Variants in PPARGC1A observed in about 807,000 individuals in gnomAD.
PPARGC1A encodes peroxisome proliferator-activated receptor gamma coactivator 1-alpha.
A neutral mutation model predicts 88.7 loss-of-function variants in PPARGC1A; 25 were observed. The observed-to-expected ratio is 0.28, with a 90% confidence interval of 0.21 to 0.39. The LOEUF is 0.39. Among genes scored for constraint, PPARGC1A ranks in the 10% least tolerant of loss-of-function variants. The pLI, the probability that PPARGC1A is intolerant of heterozygous loss-of-function variation, is 1.00. For missense variants in PPARGC1A, 880 were observed against 968.7 expected, an observed-to-expected ratio of 0.91 and a Z score of 1.22; for synonymous variants, 363 against 355.6, an observed-to-expected ratio of 1.02 and a Z score of -0.24.
chr4:24,273,194 C>T, the PPARGC1A span, among the ~76,000 whole-genome samples: 1 of 152,196 alleles, frequency 6.6e-6, no homozygotes, highest in African/African-American at 2.4e-5. Flanking sequence ...AGTGGGAGAG[C>T]TTGGGGAGCT....
chr4:23,999,322 C>T, the PPARGC1A span, among the ~76,000 whole-genome samples: 4 of 152,328 alleles, frequency 2.6e-5, no homozygotes, highest in Non-Finnish European at 4.4e-5. Flanking sequence ...GATTAATTAA[C>T]TGAAGTAGTG....
chr4:24,083,321 C>T, the PPARGC1A span, among the ~76,000 whole-genome samples: 114 of 152,246 alleles, frequency 7.5e-4, no homozygotes, highest in Admixed American at 2.7e-3. Flanking sequence ...ATAGATTAGG[C>T]GAAGGATAAG....
rs766081466 is a variant in PPARGC1A at position 23,814,081 on chromosome 4, G to A, written c.1402C>T (p.His468Tyr). The change falls in exon 8 of 13, where the codon CAT becomes TAT. Residue 468 changes from histidine (H) to tyrosine (Y), a missense_variant. Physicochemically the swap from His to Tyr is moderately conservative, Grantham distance 83. Coordinates refer to ENST00000264867, the MANE Select transcript of PPARGC1A (RefSeq NM_013261.5). ...TCGTCAAAAACAGCTTGACTGGGATGACCGAAGTGCTTGTTCAGCTCGGCT... is the reference window on the plus strand; with the variant it reads ...TCGTCAAAAACAGCTTGACTGGGATAACCGAAGTGCTTGTTCAGCTCGGCT... Reference protein sequence around the residue: ...IRAELNKHFGHPSQAVFDDEA... With the variant: ...IRAELNKHFGYPSQAVFDDEA... The A allele has an allele frequency of 3.1e-5, 50 of 1,613,960 alleles. 1 individual carries two copies. The South Asian group carries it at 5.3e-4, about 17-fold the overall frequency.
At chr4:23,986,777 G>A in the PPARGC1A span, among the ~76,000 whole-genome samples, 2 of 151,988 alleles carry the variant, frequency 1.3e-5, no homozygotes, top group African/African-American at 4.8e-5. Context: ...CTAATATACT[G>A]TCTTGCCTCT....
At chr4:24,399,950 TAA>T in the PPARGC1A span, among the ~76,000 whole-genome samples, 3 of 151,974 alleles carry the variant, frequency 2.0e-5, no homozygotes, top group Admixed American at 6.6e-5. Context: ...CACACCTGGC[TAA>T]TTTTTGTAAT....
the PPARGC1A span, among the ~76,000 whole-genome samples, chr4:24,017,293 C>A: frequency 6.6e-6 from 1 of 152,028 alleles, no homozygotes; most frequent in Non-Finnish European, 1.5e-5. Context: ...AACAGTAGAA[C>A]AGAAAATATG....
chr4:23,863,555 A>C (rs144732701), intron 2 of PPARGC1A, among the ~76,000 whole-genome samples: 1,634 of 152,190 alleles, frequency 0.011, 11 homozygotes, highest in Middle Eastern at 0.017. Context: ...GTCTTTCCTC[A>C]CCACTACTGT....
the PPARGC1A span, among the ~76,000 whole-genome samples, chr4:24,205,135 T>C: frequency 6.6e-6 from 1 of 152,156 alleles, no homozygotes; most frequent in Non-Finnish European, 1.5e-5. Context: ...TCATGCAAGT[T>C]TATAACTGAG....
the PPARGC1A span, among the ~76,000 whole-genome samples, chr4:24,428,942 T>C: frequency 6.6e-6 from 1 of 152,176 alleles, no homozygotes; most frequent in African/African-American, 2.4e-5. Context: ...CCACAAGCCA[T>C]TGACCTCTGG....
intron 2 of PPARGC1A, among the ~76,000 whole-genome samples, chr4:23,847,563 G>T (rs1728536260): frequency 6.6e-6 from 1 of 152,296 alleles, no homozygotes; most frequent in Admixed American, 6.5e-5. Flanking sequence ...TCACATTAGA[G>T]TTACCTCTGA....
chr4:24,470,752 G>A, the PPARGC1A span, among the ~76,000 whole-genome samples: 1 of 151,598 alleles, frequency 6.6e-6, no homozygotes, highest in Admixed American at 6.6e-5. This position sits in a 1 kb window ranked among gnomAD's most constrained non-coding sequence, Gnocchi z 5.8. Context: ...CCCAGAGCTC[G>A]CCGCCGCCTC....
At chr4:24,333,017 A>G in the PPARGC1A span, among the ~76,000 whole-genome samples, 1 of 152,098 alleles carries the variant, frequency 6.6e-6, no homozygotes, top group African/African-American at 2.4e-5. Context: ...CAAGGCGGGC[A>G]GATCATTTGA....
chr4:24,165,991 A>G, the PPARGC1A span, among the ~76,000 whole-genome samples: 1 of 152,278 alleles, frequency 6.6e-6, no homozygotes, highest in East Asian at 1.9e-4. Context: ...GCTGAAAAGT[A>G]GGCCTCTTGT....
chr4:23,804,727 G>A (rs900117872), intron 10 of PPARGC1A, among the ~76,000 whole-genome samples: 2 of 152,076 alleles, frequency 1.3e-5, no homozygotes, highest in African/African-American at 2.4e-5. Flanking sequence ...TATTAGTCTA[G>A]TATATACTGT....
the PPARGC1A span, among the ~76,000 whole-genome samples, chr4:24,109,010 A>G: frequency 7.3e-5 from 11 of 150,228 alleles, no homozygotes; most frequent in Admixed American, 2.6e-4. Flanking sequence ...ACACACACAC[A>G]CACACACACC....
the PPARGC1A span, among the ~76,000 whole-genome samples, chr4:24,177,381 C>A: frequency 7.9e-5 from 12 of 151,726 alleles, no homozygotes. Context: ...AAACCAAACA[C>A]CGCATGTTCT....
the PPARGC1A span, among the ~76,000 whole-genome samples, chr4:23,997,746 C>A: frequency 6.6e-6 from 1 of 152,038 alleles, no homozygotes; most frequent in East Asian, 1.9e-4. Context: ...CCTGCCTCAG[C>A]CTCCCAAAGT....
the PPARGC1A span, among the ~76,000 whole-genome samples, chr4:24,308,120 C>A: frequency 2.6e-5 from 4 of 151,806 alleles, no homozygotes; most frequent in African/African-American, 7.3e-5. Flanking sequence ...GATTAAACCC[C>A]ATCTGTACTA....
chr4:24,054,473 A>G, the PPARGC1A span, among the ~76,000 whole-genome samples: 6 of 152,178 alleles, frequency 3.9e-5, no homozygotes, highest in South Asian at 4.1e-4. Context: ...ATGCATGTCC[A>G]TTTAGGGTTT....
Sources: gnomAD v4.1 joint callset for allele counts (sites outside exome capture counted in the v4.1 genomes callset) on GRCh38, gnomAD v4.1.1 for gene constraint, Gnocchi (gnomAD v3.1) non-coding constraint, MANE v1.5 for transcripts, NCBI Gene and HGNC (gene_info 2026-07-23, HGNC 2026-07-21) for gene names.